The following ADGRD1 variants were observed in gnomAD, a reference collection of about 807,000 sequenced individuals.
ADGRD1 encodes adhesion G protein-coupled receptor D1.
Under a neutral mutation model 113.4 loss-of-function variants are expected in ADGRD1, and 77 were observed. The ratio of observed to expected loss-of-function variants is 0.68; its 90% CI spans 0.57 to 0.82. The LOEUF is 0.82. Among genes scored for constraint, ADGRD1 ranks in the 40% least tolerant of loss-of-function variants. The probability of loss-of-function intolerance (pLI) is 0.00; values close to 1 mark genes in which losing one functional copy is unlikely to be tolerated. For synonymous variants in ADGRD1, 474 were observed against 475.0 expected (o/e 1.00, Z 0.03); for missense variants, 1,036 against 1,139.1 (o/e 0.91, Z 1.30).
chr12:131,065,897 G>C (rs1234692409), intron 13 of ADGRD1, among the ~76,000 whole-genome samples: 1 of 152,212 alleles, frequency 6.6e-6, no homozygotes, highest in African/African-American at 2.4e-5. Flanking sequence ...CCCTCTCCGG[G>C]GGTGGAGGAA....
At chr12:131,101,480 C>T (rs537197539) in intron 15 of ADGRD1, among the ~76,000 whole-genome samples, 4 of 145,284 alleles carry the variant, frequency 2.8e-5, no homozygotes, top group Non-Finnish European at 4.5e-5. Flanking sequence ...CTTCACCTCC[C>T]GGGTTCAAGT....
intron 20 of ADGRD1, among the ~76,000 whole-genome samples, chr12:131,122,387 C>G (rs1281905894): frequency 6.6e-6 from 1 of 151,816 alleles, no homozygotes; most frequent in African/African-American, 2.4e-5. Context: ...CGCGCTTGAG[C>G]TCTTAGGGTC....
chr12:131,015,624 TTGGAGA>T (rs1348727335), intron 13 of ADGRD1, among the ~76,000 whole-genome samples: 1 of 140,802 alleles, frequency 7.1e-6, no homozygotes, highest in Non-Finnish European at 1.5e-5. Context: ...GGAGATGGAG[TTGGAGA>T]TGGAGATGGG....
chr12:131,065,950 T>C (rs1177570486), intron 13 of ADGRD1, among the ~76,000 whole-genome samples: 1 of 152,070 alleles, frequency 6.6e-6, no homozygotes, highest in Non-Finnish European at 1.5e-5. Context: ...TCAGGAACGC[T>C]GGGGACCTTT....
chr12:131,063,986 C>T (rs1157413122), intron 13 of ADGRD1, among the ~76,000 whole-genome samples: 2 of 152,174 alleles, frequency 1.3e-5, no homozygotes, highest in Admixed American at 6.5e-5. Context: ...TAGTTTTTGG[C>T]ATACAGGTCC....
intron 13 of ADGRD1, among the ~76,000 whole-genome samples, chr12:131,029,935 T>C (rs1175127334): frequency 2.9e-5 from 4 of 137,722 alleles, no homozygotes; most frequent in African/African-American, 1.2e-4. Context: ...GGTTAGGTTG[T>C]GGACCCCTCG....
intron 10 of ADGRD1, 146 bp from the exon 11 acceptor site, chr12:131,004,040 T>TTTTTG: frequency 2.4e-5 from 13 of 548,584 alleles, no homozygotes; most frequent in South Asian, 9.5e-5. Flanking sequence ...TTTTTTTTTT[T>TTTTTG]GAGGCCATGC....
At chr12:131,061,431 T>G (rs1466725812) in intron 13 of ADGRD1, among the ~76,000 whole-genome samples, 1 of 152,246 alleles carries the variant, frequency 6.6e-6, no homozygotes, top group Non-Finnish European at 1.5e-5. Context: ...GGCTTAATAG[T>G]AGGATCCTCT....
chr12:130,980,197 C>T (rs540315079), intron 4 of ADGRD1, among the ~76,000 whole-genome samples: 2 of 151,304 alleles, frequency 1.3e-5, no homozygotes, highest in African/African-American at 2.4e-5. Flanking sequence ...CTCTGCCTCC[C>T]GGGTTCACGC....
intron 5 of ADGRD1, chr12:130,986,735 A>AT (rs34083720): frequency 0.092 from 21,817 of 236,718 alleles, 1,299 homozygotes; most frequent in Middle Eastern, 0.16. Flanking sequence ...GCTCCTGACC[A>AT]TTTTTTCTTA....
intron 20 of ADGRD1, among the ~76,000 whole-genome samples, chr12:131,122,647 A>G (rs1950626298): frequency 6.6e-6 from 1 of 152,212 alleles, no homozygotes; most frequent in Non-Finnish European, 1.5e-5. Flanking sequence ...GAGGGTGGGA[A>G]GGGTAAGTTG....
intron 2 of ADGRD1, chr12:130,957,630 G>A (rs1869813479): frequency 6.6e-6 from 1 of 152,258 alleles, no homozygotes; most frequent in African/African-American, 2.4e-5. Context: ...AAACTTGAAG[G>A]AGCAGTTTGA....
chr12:131,051,490 T>TTTG (rs1883386551), intron 13 of ADGRD1, among the ~76,000 whole-genome samples: 1 of 8,676 alleles, frequency 1.2e-4, no homozygotes, highest in Non-Finnish European at 3.0e-4. Context: ...TCTTTTCTTT[T>TTTG]TTTTTTTTTT....
At chr12:131,036,736 ATGGGGCCTCACTCACTG>A (rs1881479438) in intron 13 of ADGRD1, among the ~76,000 whole-genome samples, 2 of 123,748 alleles carry the variant, frequency 1.6e-5, no homozygotes, top group Non-Finnish European at 1.7e-5. Context: ...CACTCACTGC[ATGGGGCCTCACTCACTG>A]CACCGGGCCT....
At chr12:131,061,889 A>AAGTG (rs1884359239) in intron 13 of ADGRD1, among the ~76,000 whole-genome samples, 1 of 152,254 alleles carries the variant, frequency 6.6e-6, no homozygotes, top group South Asian at 2.1e-4. Context: ...ATCATACAGT[A>AAGTG]AGTGACCTTT....
At chr12:131,121,602 ACTC>A (rs780212069) in intron 20 of ADGRD1, among the ~76,000 whole-genome samples, 30 of 151,896 alleles carry the variant, frequency 2.0e-4, no homozygotes, top group Non-Finnish European at 7.4e-5. Context: ...CTGGTCTCGA[ACTC>A]CTGACCTCAG....
chr12:131,108,902 T>TTG, intron 18 of ADGRD1, 25 bp downstream of exon 18: 1 of 289,512 alleles, frequency 3.5e-6, no homozygotes, highest in Non-Finnish European at 6.0e-6. Flanking sequence ...GCAGGTGGGA[T>TTG]GGCGGGGCGG....
chr12:131,093,441 G>A (rs1285745594), intron 15 of ADGRD1, among the ~76,000 whole-genome samples: 2 of 152,186 alleles, frequency 1.3e-5, no homozygotes, highest in Non-Finnish European at 2.9e-5. Context: ...ATGGTTCTAG[G>A]CCCCGTGCCC....
At chr12:131,039,469 C>T (rs1317171795) in intron 13 of ADGRD1, among the ~76,000 whole-genome samples, 1 of 152,262 alleles carries the variant, frequency 6.6e-6, no homozygotes, top group Non-Finnish European at 1.5e-5. Context: ...ACAGAGTTCA[C>T]GATGGCCGTG....
Sources: gnomAD v4.1 joint callset for allele counts (sites outside exome capture counted in the v4.1 genomes callset) on GRCh38, gnomAD v4.1.1 for gene constraint, MANE v1.5 for transcripts, NCBI Gene and HGNC (gene_info 2026-07-23, HGNC 2026-07-21) for gene names.